The following ATXN7L1 variants were observed in gnomAD, a reference collection of about 807,000 sequenced individuals.
ATXN7L1 encodes ataxin 7 like 1.
In ATXN7L1, 15 loss-of-function variants were observed where a neutral mutation model predicts 70.8. The observed-to-expected ratio is 0.21, with a 90% CI of 0.14 to 0.33. ATXN7L1 has a LOEUF of 0.33. Ranked by LOEUF, ATXN7L1 falls within the 10% of genes least tolerant of loss-of-function variation. ATXN7L1 has a pLI of 1.00. For missense variants in ATXN7L1, 975 were observed against 1,097.1 expected, an observed-to-expected ratio of 0.89 and a Z score of 1.57; for synonymous variants, 440 against 445.1, an observed-to-expected ratio of 0.99 and a Z score of 0.14.
rs551739517 is a variant in ATXN7L1 at position 105,711,853 on chromosome 7, T to G, written c.356-46565A>C. ...CCCAGTGCGGACTTTGTGTGGGGCT[T>G]CCAACCCCACATTTCACCTCTGCAC... is the stretch of plus-strand genomic sequence containing the variant. On this transcript the variant is annotated intron_variant, in intron 3 of 11. Coordinates refer to ENST00000419735, the MANE Select transcript of ATXN7L1 (RefSeq NM_020725.2). 5.9e-5 allele frequency among the ~76,000 whole-genome samples: 9 copies of G among 152,370 alleles called. No homozygotes were observed. In the East Asian group the frequency reaches 1.4e-3, roughly 23 times the overall value.
chr7:105,655,800 G>A (rs1800535659), intron 4 of ATXN7L1, among the ~76,000 whole-genome samples: 1 of 152,132 alleles, frequency 6.6e-6, no homozygotes, highest in Non-Finnish European at 1.5e-5. Flanking sequence ...AGTTGCTCCG[G>A]GAAGACCCGC....
chr7:105,822,918 A>G (rs925584955), intron 2 of ATXN7L1, among the ~76,000 whole-genome samples: 2 of 152,198 alleles, frequency 1.3e-5, no homozygotes, highest in Non-Finnish European at 2.9e-5. Flanking sequence ...TAGTATCACT[A>G]ATGTATTAGA....
At chr7:105,672,890 G>C (rs1238370476) in intron 3 of ATXN7L1, among the ~76,000 whole-genome samples, 1 of 152,228 alleles carries the variant, frequency 6.6e-6, no homozygotes, top group African/African-American at 2.4e-5. Context: ...GGGGGCCCCA[G>C]TACCAAAGAA....
At chr7:105,774,646 C>T (rs186251627) in intron 3 of ATXN7L1, among the ~76,000 whole-genome samples, 16 of 152,200 alleles carry the variant, frequency 1.1e-4, no homozygotes, top group Admixed American at 5.2e-4. Context: ...ACCACCGCGC[C>T]CGGCCCCGCA....
At chr7:105,799,956 T>C (rs1361848037) in intron 2 of ATXN7L1, among the ~76,000 whole-genome samples, 4 of 152,088 alleles carry the variant, frequency 2.6e-5, no homozygotes, top group African/African-American at 9.7e-5. Flanking sequence ...AAATAAACTT[T>C]TGCTGTAAGG....
intron 7 of ATXN7L1, among the ~76,000 whole-genome samples, chr7:105,630,476 G>A (rs1294031666): frequency 6.6e-6 from 1 of 151,968 alleles, no homozygotes; most frequent in Non-Finnish European, 1.5e-5. Context: ...ATATTTTTTG[G>A]CGTAGAGGGC....
At chr7:105,731,420 A>G (rs1418866531) in intron 3 of ATXN7L1, among the ~76,000 whole-genome samples, 1 of 147,720 alleles carries the variant, frequency 6.8e-6, no homozygotes, top group Non-Finnish European at 1.5e-5. Flanking sequence ...CTTAACCTAC[A>G]TTACTTCTTA....
chr7:105,692,424 T>TCCCTCCTTCCTTCCTTCCTTCCTC lies in ATXN7L1; in HGVS notation c.356-27137_356-27136insGAGGAAGGAAGGAAGGAAGGAGGG, dbSNP rs1554431696. Among the ~76,000 whole-genome samples the TCCCTCCTTCCTTCCTTCCTTCCTC allele has an allele frequency of 8.1e-4, 71 of 88,176 alleles. 1 individual carries two copies. The highest frequency in any genetic ancestry group is 3.0e-3 in the African/African-American group (69 of 22,636). The allele number at this position is 88,176 out of a possible 152,430, so 57.8% of individuals were successfully genotyped here. A position where few individuals can be genotyped will look rare whatever the true frequency, so the allele number is the denominator to read the frequency against. On this transcript the variant is annotated intron_variant, in intron 3 of 11. Transcript: ENST00000419735. ...TTCCTTCCTTCCTTCCTTCCTTCCTTCCTCCCTCCCTCCCTCCCTCCCTTC... is the reference window on the plus strand; with the variant it reads ...TTCCTTCCTTCCTTCCTTCCTTCCTTCCCTCCTTCCTTCCTTCCTTCCTCCCTCCCTCCCTCCCTCCCTCCCTTC...
At chr7:105,647,062 T>G (rs1476267704) in intron 4 of ATXN7L1, among the ~76,000 whole-genome samples, 2 of 152,208 alleles carry the variant, frequency 1.3e-5, no homozygotes, top group Admixed American at 1.3e-4. Flanking sequence ...AAACTTCAAG[T>G]GTTGATATGA....
chr7:105,641,533 A>G (rs1404734384), intron 5 of ATXN7L1, among the ~76,000 whole-genome samples: 1 of 152,146 alleles, frequency 6.6e-6, no homozygotes, highest in Non-Finnish European at 1.5e-5. Context: ...TCCCCAGACA[A>G]CTTCAGATGG....
At chr7:105,801,629 C>T (rs1051743510) in intron 2 of ATXN7L1, among the ~76,000 whole-genome samples, 2 of 151,206 alleles carry the variant, frequency 1.3e-5, no homozygotes, top group Admixed American at 6.6e-5. Flanking sequence ...TGAGGGTACA[C>T]CTGGCACATG....
At chr7:105,651,626 G>C (rs879367855) in intron 4 of ATXN7L1, among the ~76,000 whole-genome samples, 2 of 152,172 alleles carry the variant, frequency 1.3e-5, no homozygotes, top group Non-Finnish European at 2.9e-5. Flanking sequence ...GAACGAGGTG[G>C]GGCCAGATTC....
intron 2 of ATXN7L1, among the ~76,000 whole-genome samples, chr7:105,850,320 A>G (rs1328234109): frequency 6.6e-6 from 1 of 152,216 alleles, no homozygotes; most frequent in Non-Finnish European, 1.5e-5. Flanking sequence ...AGCCTTCACC[A>G]GCACACTGTT....
chr7:105,824,997 G>A (rs772677283), intron 2 of ATXN7L1, among the ~76,000 whole-genome samples: 2 of 151,610 alleles, frequency 1.3e-5, no homozygotes, highest in Non-Finnish European at 2.9e-5. Context: ...CAGATCAACA[G>A]TGTTACAGAG....
At chr7:105,781,863 AG>A (rs1214456248) in intron 3 of ATXN7L1, among the ~76,000 whole-genome samples, 1 of 152,054 alleles carries the variant, frequency 6.6e-6, no homozygotes, top group Non-Finnish European at 1.5e-5. Context: ...TGAGACAGGG[AG>A]GGTCTTGCTC....
At chr7:105,793,535 C>T (rs1372535757) in intron 2 of ATXN7L1, among the ~76,000 whole-genome samples, 1 of 152,190 alleles carries the variant, frequency 6.6e-6, no homozygotes, top group African/African-American at 2.4e-5. Flanking sequence ...GACTGCAGAA[C>T]TTCATGTGTG....
Position 105,752,244 on chromosome 7 carries a change from G to A in ATXN7L1, c.355+36360C>T, listed in dbSNP as rs747139183. On this transcript the variant is annotated intron_variant, in intron 3 of 11. Transcript: ENST00000419735. ...TTGACCTCGATGGTACAAATGTCCT[G>A]CAGAAGCTGCAGCTCTTCAGCATGG... Among the ~76,000 whole-genome samples, 4 of 152,196 alleles carry A rather than the reference G, an allele frequency of 2.6e-5. No individual in the cohort carries two copies. In the East Asian group the frequency reaches 7.7e-4, roughly 29 times the overall value.
At chr7:105,689,889 C>T (rs1790530927) in intron 3 of ATXN7L1, among the ~76,000 whole-genome samples, 1 of 152,204 alleles carries the variant, frequency 6.6e-6, no homozygotes, top group Non-Finnish European at 1.5e-5. Flanking sequence ...CTGGACTTGG[C>T]CCCCACCAGC....
At chr7:105,813,625 C>T (rs1479596590) in intron 2 of ATXN7L1, among the ~76,000 whole-genome samples, 2 of 152,328 alleles carry the variant, frequency 1.3e-5, no homozygotes, top group East Asian at 3.9e-4. Context: ...GCATGAGCCA[C>T]TGTGCTCGGC....
Sources: gnomAD v4.1 joint callset for allele counts (sites outside exome capture counted in the v4.1 genomes callset) on GRCh38, gnomAD v4.1.1 for gene constraint, MANE v1.5 for transcripts, NCBI Gene and HGNC (gene_info 2026-07-23, HGNC 2026-07-21) for gene names.